Variants in ADORA1 observed in about 807,000 individuals in gnomAD.
ADORA1 encodes adenosine receptor A1.
Under a neutral mutation model 19.9 loss-of-function variants are expected in ADORA1, and 6 were observed. The ratio of observed to expected loss-of-function variants is 0.30; its 90% CI spans 0.17 to 0.59. The LOEUF (loss-of-function observed/expected upper bound fraction) is 0.59, where lower values mean the gene tolerates loss of function less well. ADORA1 is among the 20% of genes least tolerant of loss of function. The pLI is 0.87. For missense variants in ADORA1, 302 were observed against 439.2 expected, an observed-to-expected ratio of 0.69 and a Z score of 2.79; for synonymous variants, 194 against 188.4, an observed-to-expected ratio of 1.03 and a Z score of -0.24.
chr1:203,154,997 G>A (rs1655150496), intron 3 of ADORA1, among the ~76,000 whole-genome samples: 6 of 150,764 alleles, frequency 4.0e-5, no homozygotes, highest in Admixed American at 3.3e-4. Flanking sequence ...ACCATCTGAT[G>A]GCATCTGGGC....
chr1:203,150,975 C>T (rs192210827), intron 3 of ADORA1, among the ~76,000 whole-genome samples: 9 of 152,352 alleles, frequency 5.9e-5, no homozygotes, highest in Admixed American at 1.3e-4. Context: ...TCCAGACTGT[C>T]AGCAGGCATC....
chr1:203,142,698 G>A lies in ADORA1; in HGVS notation c.341+13516G>A, dbSNP rs79035750. 2.6e-3 allele frequency among the ~76,000 whole-genome samples: 399 copies of A among 152,230 alleles called. 2 individuals are homozygous for A. Among genetic ancestry groups the A allele is most frequent in the African/African-American group, 9.3e-3 (385 of 41,534 alleles). On this transcript the variant is annotated intron_variant, in intron 3 of 3. Transcript: ENST00000337894. ...CCCCATGCTGCCTGTTTGTATGTGG[G>A]GAAGAGTGTTGACATGACTCTGCTT...
chr1:203,160,523 G>A (rs1475412674), intron 3 of ADORA1, among the ~76,000 whole-genome samples: 1 of 152,188 alleles, frequency 6.6e-6, no homozygotes, highest in Non-Finnish European at 1.5e-5. Flanking sequence ...TATAAAGTCA[G>A]TGCCTAGGGC....
At chr1:203,138,290 T>C (rs1020328519) in intron 3 of ADORA1, among the ~76,000 whole-genome samples, 1 of 152,076 alleles carries the variant, frequency 6.6e-6, no homozygotes, top group African/African-American at 2.4e-5. Flanking sequence ...AGCAGGTGGT[T>C]GGATATACAA....
chr1:203,163,259 C>G (rs1212088706), intron 3 of ADORA1, among the ~76,000 whole-genome samples: 3 of 152,198 alleles, frequency 2.0e-5, no homozygotes, highest in Non-Finnish European at 4.4e-5. Flanking sequence ...TTACAGAGTA[C>G]TTGCACACGT....
chr1:203,163,897 C>T (rs929169830), intron 3 of ADORA1, among the ~76,000 whole-genome samples: 2 of 152,220 alleles, frequency 1.3e-5, no homozygotes, highest in South Asian at 2.1e-4. Flanking sequence ...CCTTCACACT[C>T]CTGGGTCTCA....
At chr1:203,152,106 T>C (rs1280668136) in intron 3 of ADORA1, among the ~76,000 whole-genome samples, 1 of 152,196 alleles carries the variant, frequency 6.6e-6, no homozygotes, top group Non-Finnish European at 1.5e-5. Context: ...AGAAAAGATC[T>C]CATTCAATCC....
At chr1:203,146,731 T>C (rs1654870587) in intron 3 of ADORA1, among the ~76,000 whole-genome samples, 2 of 151,472 alleles carry the variant, frequency 1.3e-5, no homozygotes, top group South Asian at 4.2e-4. Flanking sequence ...AGATGGAGAG[T>C]GCTGTGGGCA....
In ADORA1 at chr1:203,128,886, C is replaced by G. The variant is rs1279473094; in HGVS notation, c.45C>G (p.Ile15Met). 6.2e-7 allele frequency: 1 copy of G among 1,611,828 alleles called. No homozygotes were observed. The highest frequency in any genetic ancestry group is 8.5e-7 in the Non-Finnish European group (1 of 1,179,624). ...ISAFQAAYIG[I>M]EVLIALVSVP... The stretch of plus-strand genomic sequence containing the variant: ...CTTTCCAGGCCGCCTACATCGGCAT[C>G]GAGGTGCTCATCGCCCTGGTCTCTG... The change falls in exon 3 of 4, where the codon ATC becomes ATG. Residue 15 changes from isoleucine (I) to methionine (M), a missense_variant. Physicochemically the swap from Ile to Met is conservative, Grantham distance 10 (BLOSUM62 1). Transcript: ENST00000337894. The surrounding 1 kb of genome is among the most constrained non-coding windows in gnomAD (Gnocchi z 5.9).
chr1:203,155,600 G>C (rs1655175604), intron 3 of ADORA1, among the ~76,000 whole-genome samples: 1 of 152,212 alleles, frequency 6.6e-6, no homozygotes, highest in South Asian at 2.1e-4. Context: ...TTGCTTTTCT[G>C]GGATGCAGGC....
At chr1:203,149,768 C>T (rs892702908) in intron 3 of ADORA1, among the ~76,000 whole-genome samples, 1 of 152,206 alleles carries the variant, frequency 6.6e-6, no homozygotes, top group African/African-American at 2.4e-5. Flanking sequence ...ATGGCTTCCT[C>T]TTACCAGTTT....
At chr1:203,148,836 T>G (rs1024278933) in intron 3 of ADORA1, among the ~76,000 whole-genome samples, 2 of 151,928 alleles carry the variant, frequency 1.3e-5, no homozygotes, top group African/African-American at 2.4e-5. Context: ...CCTACCCGAT[T>G]CTTGCCTGGT....
Position 203,150,565 on chromosome 1 carries a change from C to A in ADORA1, c.342-14696C>A, listed in dbSNP as rs558808678. 8.8e-4 allele frequency: 1,115 copies of A among 1,262,128 alleles called. 1 individual carries two copies. Among genetic ancestry groups the A allele is most frequent in the Non-Finnish European group, 1.1e-3 (1,023 of 973,328 alleles). The allele number at this position is 1,262,128 out of a possible 1,614,324, so 78.2% of individuals were successfully genotyped here. ...CCTGCTGTTATTTGGGCTCTACACC[C>A]CTTTGCCTGGTTGCAAGGTGGGGAG... On this transcript the variant is annotated intron_variant, in intron 3 of 3. Coordinates refer to ENST00000337894, the MANE Select transcript of ADORA1 (RefSeq NM_000674.3).
intron 3 of ADORA1, among the ~76,000 whole-genome samples, chr1:203,158,399 T>A (rs2102762692): frequency 6.6e-6 from 1 of 152,362 alleles, no homozygotes; most frequent in East Asian, 1.9e-4. Context: ...TGAGACCTCA[T>A]CCAAAATTCT....
chr1:203,139,667 A>G (rs569241461), intron 3 of ADORA1, among the ~76,000 whole-genome samples: 1 of 152,344 alleles, frequency 6.6e-6, no homozygotes, highest in Non-Finnish European at 1.5e-5. Context: ...CAGATTCATG[A>G]TGAGATTAAG....
rs1001683968 is a variant in ADORA1 at position 203,128,500 on chromosome 1, C to A, written c.-58+68C>A. 35 of 1,185,102 alleles carry A rather than the reference C, an allele frequency of 3.0e-5. No homozygotes were observed. In the African/African-American group the frequency reaches 5.1e-4, roughly 17 times the overall value. The allele number at this position is 1,185,102 out of a possible 1,614,324, so 73.4% of individuals were successfully genotyped here. A position where few individuals can be genotyped will look rare whatever the true frequency, so the allele number is the denominator to read the frequency against. ...GCCAGTCATGGGAGACCCCTCTGTG[C>A]GTGTGTCTGTGTGTGCGCGCGCGCT... On this transcript the variant is annotated intron_variant, in intron 2 of 3. Coordinates refer to ENST00000337894, the MANE Select transcript of ADORA1 (RefSeq NM_000674.3). The surrounding 1 kb of genome is among the most constrained non-coding windows in gnomAD (Gnocchi z 5.9).
chr1:203,165,943 C>T lies in ADORA1; in HGVS notation c.*43C>T, dbSNP rs1655539843. On this transcript the variant is annotated 3_prime_UTR_variant, in exon 4 of 4. Transcript: ENST00000337894. The surrounding 1 kb of genome is among the most constrained non-coding windows in gnomAD (Gnocchi z 5.9). ...CACCAGCCCACATCCAGTGGGGTCTCAGTCCAGTCCTCACATGCCCGCTGT... is the reference window on the plus strand; with the variant it reads ...CACCAGCCCACATCCAGTGGGGTCTTAGTCCAGTCCTCACATGCCCGCTGT... 4 of 1,513,322 alleles carry T rather than the reference C, an allele frequency of 2.6e-6. No homozygotes were observed. In the East Asian group the frequency reaches 9.1e-5, roughly 34 times the overall value. 93.7% of individuals were successfully genotyped at this position (1,513,322 alleles called of 1,614,324 possible). A position where few individuals can be genotyped will look rare whatever the true frequency, so the allele number is the denominator to read the frequency against.
intron 3 of ADORA1, among the ~76,000 whole-genome samples, chr1:203,133,600 A>G (rs6701725): frequency 0.61 from 93,423 of 152,098 alleles, 29,053 homozygotes; most frequent in East Asian, 0.78. Flanking sequence ...AGGAGTTTCT[A>G]TGAAGTTGTC....
At chr1:203,143,927 G>A (rs1271390990) in intron 3 of ADORA1, among the ~76,000 whole-genome samples, 2 of 152,210 alleles carry the variant, frequency 1.3e-5, no homozygotes, top group African/African-American at 2.4e-5. Flanking sequence ...CACACAGCAC[G>A]AGGCCACCTC....
Sources: allele counts gnomAD v4.1 joint callset (sites outside exome capture counted in the v4.1 genomes callset), GRCh38; gene constraint gnomAD v4.1.1; non-coding constraint Gnocchi (gnomAD v3.1); transcripts MANE v1.5; gene names NCBI Gene and HGNC (gene_info 2026-07-23, HGNC 2026-07-21).